SS18: variants seen among roughly 807,000 people sequenced by gnomAD.
SS18 encodes the protein SS18 subunit of BAF chromatin remodeling complex.
In SS18, 28 loss-of-function variants were observed where a neutral mutation model predicts 72.5. The observed-to-expected ratio is 0.39, with a 90% CI of 0.29 to 0.53. The LOEUF is 0.53. Ranked by LOEUF, SS18 falls within the 20% of genes least tolerant of loss-of-function variation. The pLI is 0.76. For synonymous variants in SS18, 172 were observed against 164.2 expected (o/e 1.05, Z -0.37); for missense variants, 518 against 535.3 (o/e 0.97, Z 0.32).
chr18:26,071,444 A>G (rs1215747128), intron 3 of SS18, among the ~76,000 whole-genome samples: 2 of 152,252 alleles, frequency 1.3e-5, no homozygotes, highest in African/African-American at 4.8e-5. Flanking sequence ...TGAATTTTCA[A>G]TAGATACAAG....
intron 10 of SS18, among the ~76,000 whole-genome samples, chr18:26,029,253 G>A (rs896354034): frequency 3.3e-5 from 5 of 152,154 alleles, no homozygotes; most frequent in African/African-American, 9.7e-5. Flanking sequence ...GGAGGTGGGA[G>A]CACAAGTCCT....
intron 2 of SS18, among the ~76,000 whole-genome samples, chr18:26,084,878 C>G (rs1371067763): frequency 6.6e-6 from 1 of 152,122 alleles, no homozygotes; most frequent in Non-Finnish European, 1.5e-5. Flanking sequence ...AATAGGACAA[C>G]TGGCAAAATT....
chr18:26,061,724 TGAA>T (rs1568016946), intron 3 of SS18, among the ~76,000 whole-genome samples: 2 of 150,106 alleles, frequency 1.3e-5, no homozygotes, highest in African/African-American at 4.9e-5. Context: ...CCTTCTAACA[TGAA>T]GATGAAATAA....
chr18:26,027,003 T>C (rs1008291919), intron 10 of SS18, among the ~76,000 whole-genome samples: 5 of 152,152 alleles, frequency 3.3e-5, no homozygotes, highest in African/African-American at 1.2e-4. Context: ...GACTAAATAA[T>C]ACTGTCAGTT....
At chr18:26,087,857 T>C (rs140765511) in intron 1 of SS18, among the ~76,000 whole-genome samples, 83 of 152,324 alleles carry the variant, frequency 5.4e-4, no homozygotes, top group African/African-American at 2.0e-3. Flanking sequence ...ATAACAAATA[T>C]AATTTAAAGC....
intron 5 of SS18, among the ~76,000 whole-genome samples, chr18:26,050,643 CTTTT>C (rs1186639570): frequency 6.6e-6 from 1 of 151,900 alleles, no homozygotes; most frequent in Non-Finnish European, 1.5e-5. Flanking sequence ...ATTTTGTGTT[CTTTT>C]GATTCTGAAA....
At chr18:26,026,631 T>C (rs923188779) in intron 10 of SS18, among the ~76,000 whole-genome samples, 2 of 151,988 alleles carry the variant, frequency 1.3e-5, no homozygotes, top group Non-Finnish European at 2.9e-5. Context: ...GAGTTTCTAG[T>C]TGAGGCAAGC....
chr18:26,083,441 A>G (rs1598614831), intron 2 of SS18, among the ~76,000 whole-genome samples: 1 of 152,176 alleles, frequency 6.6e-6, no homozygotes, highest in Non-Finnish European at 1.5e-5. Context: ...ATGTGTTGTT[A>G]GGTGATTTCA....
chr18:26,062,965 G>C (rs1286803689), intron 3 of SS18, among the ~76,000 whole-genome samples: 1 of 151,468 alleles, frequency 6.6e-6, no homozygotes, highest in Admixed American at 6.6e-5. Flanking sequence ...ATGTATAGAA[G>C]AAAAAAAACC....
At chr18:26,084,697 C>T (rs942099858) in intron 2 of SS18, among the ~76,000 whole-genome samples, 5 of 152,060 alleles carry the variant, frequency 3.3e-5, no homozygotes, top group Non-Finnish European at 7.4e-5. Flanking sequence ...ATGGGAAACA[C>T]CAGTCATATC....
chr18:26,042,361 C>T (rs2143907761), intron 5 of SS18, among the ~76,000 whole-genome samples: 1 of 152,224 alleles, frequency 6.6e-6, no homozygotes, highest in East Asian at 1.9e-4. Context: ...AGACGCACTA[C>T]AAAGCGTGAT....
At position 26,035,281 on chromosome 18, in the gene SS18, CA is replaced by C; in HGVS notation, c.974-155del. ...AAACAAAGAAAAAACTCAAACCAAA[CA>C]GAAGGATTTCGGCCAAACAAACTGC... is the stretch of plus-strand genomic sequence containing the variant. On this transcript the variant is annotated intron_variant, in intron 8 of 10. Transcript: ENST00000415083. The surrounding 1 kb of genome is among the most constrained non-coding windows in gnomAD (Gnocchi z 4.4). 9.7e-7 allele frequency: 1 copy of C among 1,034,716 alleles called. No individual in the cohort carries two copies. The highest frequency in any genetic ancestry group is 1.3e-6 in the Non-Finnish European group (1 of 743,634). 64.1% of individuals were successfully genotyped at this position (1,034,716 alleles called of 1,614,324 possible). A position where few individuals can be genotyped will look rare whatever the true frequency, so the allele number is the denominator to read the frequency against.
chr18:26,073,816 G>T (rs928185451), intron 3 of SS18, among the ~76,000 whole-genome samples: 1 of 152,158 alleles, frequency 6.6e-6, no homozygotes, highest in South Asian at 2.1e-4. Flanking sequence ...AGCAGTTTGT[G>T]ATTGAGTTGC....
At chr18:26,019,954 G>T (rs1182519812) in intron 10 of SS18, among the ~76,000 whole-genome samples, 1 of 152,076 alleles carries the variant, frequency 6.6e-6, no homozygotes, top group Non-Finnish European at 1.5e-5. Flanking sequence ...AAAAAATAGT[G>T]TAGAGGGGTA....
chr18:26,019,457 C>T (rs1436867704), intron 10 of SS18, among the ~76,000 whole-genome samples: 1 of 151,950 alleles, frequency 6.6e-6, no homozygotes, highest in Admixed American at 6.6e-5. Context: ...GAAGTAAATA[C>T]ACATGATAAT....
chr18:26,019,609 G>C (rs1347336469), intron 10 of SS18, among the ~76,000 whole-genome samples: 4 of 151,782 alleles, frequency 2.6e-5, no homozygotes, highest in Non-Finnish European at 5.9e-5. Context: ...TCAGGAGTTC[G>C]AGACCAGCCT....
At chr18:26,082,628 G>C in intron 2 of SS18, 1 of 516,398 alleles carries the variant, frequency 1.9e-6, no homozygotes, top group Non-Finnish European at 2.5e-6. Flanking sequence ...ATTCTCACGT[G>C]TGTTACCAGA....
chr18:26,053,100 G>T (rs1043126082), intron 4 of SS18, among the ~76,000 whole-genome samples: 4 of 152,160 alleles, frequency 2.6e-5, no homozygotes, highest in Non-Finnish European at 5.9e-5. Flanking sequence ...CTTCATAAAA[G>T]AGCAAAACAT....
At chr18:26,062,570 A>G (rs1436008147) in intron 3 of SS18, among the ~76,000 whole-genome samples, 1 of 152,196 alleles carries the variant, frequency 6.6e-6, no homozygotes, top group Non-Finnish European at 1.5e-5. Context: ...TTAAATGTAA[A>G]TGGACCCATC....
Sources: allele counts gnomAD v4.1 joint callset (sites outside exome capture counted in the v4.1 genomes callset), GRCh38; gene constraint gnomAD v4.1.1; non-coding constraint Gnocchi (gnomAD v3.1); transcripts MANE v1.5; gene names NCBI Gene and HGNC (gene_info 2026-07-23, HGNC 2026-07-21).